Variants in FRMD4B observed in about 807,000 individuals in gnomAD.
FRMD4B encodes the protein FERM domain containing 4B.
In FRMD4B, 74 loss-of-function variants were observed where a neutral mutation model predicts 141.5. The observed-to-expected ratio is 0.52, with a 90% CI of 0.43 to 0.63. The LOEUF (loss-of-function observed/expected upper bound fraction) is 0.63, where lower values mean the gene tolerates loss of function less well. Among genes scored for constraint, FRMD4B ranks in the 30% least tolerant of loss-of-function variants. The probability of loss-of-function intolerance (pLI) is 0.00; values close to 1 mark genes in which losing one functional copy is unlikely to be tolerated. For synonymous variants in FRMD4B, 506 were observed against 467.9 expected, an observed-to-expected ratio of 1.08 and a Z score of -1.05; for missense variants, 1,366 against 1,253.4, an observed-to-expected ratio of 1.09 and a Z score of -1.36.
At chr3:69,475,414 T>C (rs1705975346) in intron 1 of FRMD4B, among the ~76,000 whole-genome samples, 1 of 151,056 alleles carries the variant, frequency 6.6e-6, no homozygotes, top group Non-Finnish European at 1.5e-5. Flanking sequence ...TGTCCATGTG[T>C]TCTCACTGTT....
At chr3:69,411,545 T>C (rs530991957) in intron 2 of FRMD4B, among the ~76,000 whole-genome samples, 1 of 152,272 alleles carries the variant, frequency 6.6e-6, no homozygotes, top group South Asian at 2.1e-4. Flanking sequence ...GCAGGGTAAA[T>C]CTCTTTGTCA....
At chr3:69,303,874 G>T (rs901505485) in intron 3 of FRMD4B, among the ~76,000 whole-genome samples, 2 of 152,164 alleles carry the variant, frequency 1.3e-5, no homozygotes, top group Non-Finnish European at 2.9e-5. Context: ...AGTCAAGGCT[G>T]CAGTGAGCCG....
intron 11 of FRMD4B, among the ~76,000 whole-genome samples, chr3:69,203,649 T>C (rs1433449616): frequency 2.6e-5 from 4 of 152,164 alleles, no homozygotes; most frequent in African/African-American, 4.8e-5. Context: ...CTTTCCTGAA[T>C]CTCAGTGTCT....
intron 1 of FRMD4B, among the ~76,000 whole-genome samples, chr3:69,539,675 C>T (rs1425784625): frequency 6.6e-6 from 1 of 152,132 alleles, no homozygotes; most frequent in African/African-American, 2.4e-5. Context: ...ATGCATTACA[C>T]CTGCATTTCT....
At chr3:69,449,831 C>G (rs1193374664) in intron 1 of FRMD4B, among the ~76,000 whole-genome samples, 1 of 152,036 alleles carries the variant, frequency 6.6e-6, no homozygotes, top group East Asian at 1.9e-4. Flanking sequence ...CAATTTTTAA[C>G]AATTTAAAAT....
chr3:69,375,007 C>T (rs1387559093), intron 1 of FRMD4B, among the ~76,000 whole-genome samples: 1 of 72,880 alleles, frequency 1.4e-5, no homozygotes, highest in Non-Finnish European at 2.7e-5. Flanking sequence ...TACCCACCAA[C>T]CCACCCACCC....
chr3:69,536,485 G>A (rs542814923), intron 1 of FRMD4B: 48 of 697,592 alleles, frequency 6.9e-5, no homozygotes, highest in Non-Finnish European at 1.1e-4. Context: ...CACCGCCAAC[G>A]TGCCCTAGCG....
chr3:69,496,802 T>C (rs1236597910), intron 1 of FRMD4B, among the ~76,000 whole-genome samples: 1 of 152,180 alleles, frequency 6.6e-6, no homozygotes, highest in Non-Finnish European at 1.5e-5. Flanking sequence ...ATGGGCTATT[T>C]GTCACTTTCA....
At position 69,310,680 on chromosome 3, in the gene FRMD4B, C is replaced by T. The variant is rs542892787; in HGVS notation, c.323+583G>A. Among the ~76,000 whole-genome samples the T allele has an allele frequency of 2.6e-5, 4 of 151,260 alleles. No homozygotes were observed. In the South Asian group the frequency reaches 8.4e-4, roughly 32 times the overall value. On this transcript the variant is annotated intron_variant, in intron 3 of 22. Transcript: ENST00000398540. ...TTCTCATGAATTTATTTTTATTTAC[C>T]TGCCTTGTTTTGGGGAGCATATATA...
intron 2 of FRMD4B, among the ~76,000 whole-genome samples, chr3:69,430,018 C>T (rs577902718): frequency 3.9e-5 from 6 of 151,946 alleles, no homozygotes; most frequent in Non-Finnish European, 8.8e-5. Flanking sequence ...ACCTCAGCCT[C>T]CCAAAGTGCT....
At chr3:69,455,491 G>C (rs1049758046) in intron 1 of FRMD4B, among the ~76,000 whole-genome samples, 2 of 152,192 alleles carry the variant, frequency 1.3e-5, no homozygotes, top group Admixed American at 1.3e-4. Context: ...AAGGCTCACC[G>C]TGAAGGTCTG....
chr3:69,470,501 A>G (rs1246090374), intron 1 of FRMD4B, among the ~76,000 whole-genome samples: 1 of 151,662 alleles, frequency 6.6e-6, no homozygotes, highest in African/African-American at 2.4e-5. Context: ...AAAGAGAAGT[A>G]TGTCCAAAGA....
chr3:69,199,561 C>A (rs1293411352), intron 11 of FRMD4B, among the ~76,000 whole-genome samples: 1 of 152,184 alleles, frequency 6.6e-6, no homozygotes, highest in Non-Finnish European at 1.5e-5. Flanking sequence ...ACTTTCCTAC[C>A]TATGAAGAGT....
intron 1 of FRMD4B, among the ~76,000 whole-genome samples, chr3:69,514,686 T>TTAAATAAATAAATAAA (rs58643773): frequency 9.1e-5 from 13 of 143,068 alleles, no homozygotes; most frequent in African/African-American, 2.3e-4. Flanking sequence ...AGACTCCATC[T>TTAAATAAATAAATAAA]TAAATAAATA....
At chr3:69,246,855 A>G (rs962967557) in intron 7 of FRMD4B, among the ~76,000 whole-genome samples, 5 of 152,248 alleles carry the variant, frequency 3.3e-5, no homozygotes, top group South Asian at 2.1e-4. Flanking sequence ...GGGCTTGCCC[A>G]GAATTAACTC....
chr3:69,540,497 C>T (rs1701156669), intron 1 of FRMD4B, among the ~76,000 whole-genome samples: 1 of 149,496 alleles, frequency 6.7e-6, no homozygotes, highest in South Asian at 2.1e-4. Flanking sequence ...GCCTGTAATC[C>T]CAGCTACTCG....
chr3:69,231,627 A>G (rs1161736860), intron 7 of FRMD4B, among the ~76,000 whole-genome samples: 1 of 152,188 alleles, frequency 6.6e-6, no homozygotes. Context: ...ACCAATATAC[A>G]TGTTTTACAC....
intron 2 of FRMD4B, among the ~76,000 whole-genome samples, chr3:69,392,897 CT>C (rs1421892493): frequency 1.3e-5 from 2 of 152,054 alleles, no homozygotes; most frequent in African/African-American, 4.8e-5. Flanking sequence ...TGGTCTCCTG[CT>C]TTCTTTCATC....
intron 1 of FRMD4B, among the ~76,000 whole-genome samples, chr3:69,320,693 G>T (rs543094041): frequency 5.9e-5 from 9 of 152,290 alleles, no homozygotes; most frequent in African/African-American, 2.2e-4. Context: ...AATAGTTTCA[G>T]AATTGACCCC....
Sources: gnomAD v4.1 joint callset for allele counts (sites outside exome capture counted in the v4.1 genomes callset) on GRCh38, gnomAD v4.1.1 for gene constraint, MANE v1.5 for transcripts, NCBI Gene and HGNC (gene_info 2026-07-23, HGNC 2026-07-21) for gene names.